The following PM20D2 variants were observed in gnomAD, a reference collection of about 807,000 sequenced individuals.
PM20D2 encodes xaa-Arg dipeptidase.
PM20D2 carries 33 observed loss-of-function variants against 42.9 expected under a neutral mutation model. That is an observed-to-expected ratio of 0.77 (90% CI 0.58 to 1.03). The LOEUF (loss-of-function observed/expected upper bound fraction) is 1.03. PM20D2 is among the 50% of genes least tolerant of loss of function. PM20D2 has a pLI of 0.00. For missense variants in PM20D2, 548 were observed against 557.0 expected (o/e 0.98, Z 0.16); for synonymous variants, 250 against 228.2 (o/e 1.10, Z -0.86).
At chr6:89,148,299 G>T (rs1220318461) in intron 1 of PM20D2, among the ~76,000 whole-genome samples, 1 of 151,260 alleles carries the variant, frequency 6.6e-6, no homozygotes, top group Non-Finnish European at 1.5e-5. Context: ...ACTTCAAATG[G>T]TTGTTCTCAA....
At chr6:89,109,916 C>G in the PM20D2 span, among the ~76,000 whole-genome samples, 2 of 152,034 alleles carry the variant, frequency 1.3e-5, no homozygotes, top group African/African-American at 4.8e-5. Flanking sequence ...AGGGTGAAAC[C>G]CCATCTCTAC....
the PM20D2 span, chr6:89,106,715 C>T: frequency 4.0e-6 from 1 of 251,644 alleles, no homozygotes; most frequent in African/African-American, 2.2e-5. Flanking sequence ...TTGACCTTTA[C>T]TCTTTAAGGC....
intron 4 of PM20D2, among the ~76,000 whole-genome samples, chr6:89,155,754 G>A (rs1469899581): frequency 6.6e-6 from 1 of 152,136 alleles, no homozygotes; most frequent in Admixed American, 6.5e-5. Flanking sequence ...TATTGCCCAG[G>A]CTGGAGCGCA....
At chr6:89,121,341 C>T in the PM20D2 span, among the ~76,000 whole-genome samples, 1 of 152,034 alleles carries the variant, frequency 6.6e-6, no homozygotes, top group Non-Finnish European at 1.5e-5. Context: ...GGTTGGAAGG[C>T]CTAAGGAGAG....
chr6:89,096,693 T>C, the PM20D2 span: 1 of 152,296 alleles, frequency 6.6e-6, no homozygotes, highest in Non-Finnish European at 1.5e-5. Flanking sequence ...TAAAGGGGTC[T>C]TGCTATGTTG....
chr6:89,155,858 C>T (rs894511072), intron 4 of PM20D2, among the ~76,000 whole-genome samples: 16 of 150,846 alleles, frequency 1.1e-4, no homozygotes, highest in South Asian at 6.3e-4. Context: ...ACTACAGGCG[C>T]TTGCCACCAC....
the PM20D2 span, chr6:89,106,758 C>G: frequency 2.9e-6 from 1 of 341,892 alleles, no homozygotes; most frequent in Non-Finnish European, 5.8e-6. Flanking sequence ...GACGCAGAAC[C>G]AACAAAATCA....
chr6:89,151,988 G>C (rs1041219760), intron 2 of PM20D2, among the ~76,000 whole-genome samples: 1 of 152,068 alleles, frequency 6.6e-6, no homozygotes, highest in Non-Finnish European at 1.5e-5. Context: ...TCATCTGTGG[G>C]AAGCTGAGGC....
rs983117540 is a variant in PM20D2, at chr6:89,146,111, C to T, written c.-34C>T. 16 of 1,393,354 alleles carry T rather than the reference C, an allele frequency of 1.1e-5. No homozygotes were observed. The highest frequency in any genetic ancestry group is 2.5e-4 in the Middle Eastern group (1 of 3,932). 86.3% of individuals were successfully genotyped at this position (1,393,354 alleles called of 1,614,324 possible). Reference sequence around the variant, plus strand: ...CGCTACCTGCGGCCGAGCCAGGGAGCGAGAGGGCGCAGAGGGCAGCGGGCT... The same window carrying T: ...CGCTACCTGCGGCCGAGCCAGGGAGTGAGAGGGCGCAGAGGGCAGCGGGCT... On this transcript the variant is annotated 5_prime_UTR_variant, in exon 1 of 7. Coordinates refer to ENST00000275072, the MANE Select transcript of PM20D2 (RefSeq NM_001010853.3).
At chr6:89,105,625 C>T in the PM20D2 span, 1 of 865,492 alleles carries the variant, frequency 1.2e-6, no homozygotes, top group Non-Finnish European at 1.7e-6. Context: ...ATAGGAAAAT[C>T]AAGTTCAAGT....
At chr6:89,117,835 G>C in the PM20D2 span, 13 of 1,558,450 alleles carry the variant, frequency 8.3e-6, no homozygotes, top group Non-Finnish European at 9.5e-6. Flanking sequence ...GGTGGCGTCC[G>C]CGACGTTCCT....
chr6:89,149,447 G>A (rs1461430562), intron 2 of PM20D2, 34 bp downstream of exon 2: 1 of 1,606,846 alleles, frequency 6.2e-7, no homozygotes, highest in Admixed American at 1.7e-5. Context: ...ACTTCTTAGG[G>A]GAACACAGGC....
chr6:89,138,314 T>C, the PM20D2 span, among the ~76,000 whole-genome samples: 4 of 152,094 alleles, frequency 2.6e-5, no homozygotes, highest in Admixed American at 2.6e-4. Flanking sequence ...GAGAAAGAAA[T>C]TGGACCACTT....
the PM20D2 span, among the ~76,000 whole-genome samples, chr6:89,120,502 CA>C: frequency 1.3e-5 from 2 of 152,154 alleles, no homozygotes; most frequent in African/African-American, 4.8e-5. Flanking sequence ...CACAATTACT[CA>C]TCCCTGACAT....
At chr6:89,098,994 A>C in the PM20D2 span, 2 of 1,535,010 alleles carry the variant, frequency 1.3e-6, no homozygotes, top group Non-Finnish European at 1.8e-6. Context: ...ACAAAATAAG[A>C]GATCAGGAAA....
At chr6:89,128,747 TG>T in the PM20D2 span, among the ~76,000 whole-genome samples, 1 of 152,156 alleles carries the variant, frequency 6.6e-6, no homozygotes, top group African/African-American at 2.4e-5. Flanking sequence ...GTGGCCCAGC[TG>T]TAAAATTCCT....
rs542347907 is a variant in PM20D2 at position 89,157,322 on chromosome 6, T to A, written c.913-1003T>A. On this transcript the variant is annotated intron_variant, in intron 4 of 6. Coordinates refer to ENST00000275072, the MANE Select transcript of PM20D2 (RefSeq NM_001010853.3). ...TGGTTGTCATAATTTCTACCGTAGA[T>A]GTTGCTAAGAATAAAAGAAATGTCA... 1.0e-3 allele frequency among the ~76,000 whole-genome samples: 156 copies of A among 152,350 alleles called. 1 individual carries two copies. In the Middle Eastern group the frequency reaches 0.014, roughly 13 times the overall value.
chr6:89,108,537 T>C, the PM20D2 span, among the ~76,000 whole-genome samples: 101,317 of 152,140 alleles, frequency 0.67, 34,589 homozygotes, highest in East Asian at 0.78. Context: ...GGTGCTATCA[T>C]AGGGATTCAG....
chr6:89,127,085 T>C, the PM20D2 span, among the ~76,000 whole-genome samples: 268 of 152,304 alleles, frequency 1.8e-3, 1 homozygote, highest in African/African-American at 6.2e-3. Context: ...AACTTTCCTG[T>C]ATAAATTTAT....
Sources: gnomAD v4.1 joint callset for allele counts (sites outside exome capture counted in the v4.1 genomes callset) on GRCh38, gnomAD v4.1.1 for gene constraint, MANE v1.5 for transcripts, NCBI Gene and HGNC (gene_info 2026-07-23, HGNC 2026-07-21) for gene names.